Variants in NALCN observed in about 807,000 individuals in gnomAD.
NALCN encodes sodium leak channel NALCN.
In NALCN, 111 loss-of-function variants were observed where a neutral mutation model predicts 225.3. The observed-to-expected ratio is 0.49, with a 90% CI of 0.42 to 0.58. The LOEUF is 0.58. Ranked by LOEUF, NALCN falls within the 20% of genes least tolerant of loss-of-function variation. The pLI is 0.00. For synonymous variants in NALCN, 764 were observed against 769.0 expected (o/e 0.99, Z 0.11); for missense variants, 1,378 against 2,202.4 (o/e 0.63, Z 7.49).
At chr13:101,067,826 G>T (rs2032546457) in intron 39 of NALCN, 92 bp downstream of exon 39, 1 of 869,180 alleles carries the variant, frequency 1.2e-6, no homozygotes, top group South Asian at 1.5e-5. Flanking sequence ...TTCAATCTGT[G>T]TCATTTGCCA....
intron 12 of NALCN, among the ~76,000 whole-genome samples, chr13:101,237,414 A>G (rs1217898449): frequency 1.3e-5 from 2 of 152,044 alleles, no homozygotes; most frequent in Non-Finnish European, 2.9e-5. Context: ...GTTTGTGCCA[A>G]CATCTTATGT....
chr13:101,237,570 A>C (rs896350840), intron 12 of NALCN, among the ~76,000 whole-genome samples, 185 bp downstream of exon 12: 3 of 151,724 alleles, frequency 2.0e-5, no homozygotes, highest in African/African-American at 7.2e-5. Flanking sequence ...CGATTGTTAC[A>C]ATTTGTGAAT....
At chr13:101,349,252 A>G (rs533105024) in intron 6 of NALCN, among the ~76,000 whole-genome samples, 2 of 152,264 alleles carry the variant, frequency 1.3e-5, no homozygotes, top group South Asian at 4.1e-4. Flanking sequence ...CAATGAAATT[A>G]CTTTTGTTCA....
intron 43 of NALCN, among the ~76,000 whole-genome samples, chr13:101,056,310 G>T (rs562761088): frequency 3.5e-5 from 5 of 141,016 alleles, no homozygotes; most frequent in African/African-American, 1.1e-4. Flanking sequence ...ACCCAGACAG[G>T]AGTGCAGCGG....
At chr13:101,108,623 T>C (rs1238257805) in intron 20 of NALCN, among the ~76,000 whole-genome samples, 1 of 152,158 alleles carries the variant, frequency 6.6e-6, no homozygotes, top group Non-Finnish European at 1.5e-5. Context: ...AAATGTGTTC[T>C]TCCAGAGCTA....
In NALCN at chr13:101,229,570, A is replaced by G; in HGVS notation, c.1449T>C (p.Val483=). The G allele has an allele frequency of 6.3e-7, 1 of 1,594,732 alleles. No individual in the cohort carries two copies. Among genetic ancestry groups the G allele is most frequent in the Non-Finnish European group, 8.5e-7 (1 of 1,171,680 alleles). ...ATGCAGGTGAAATCTTAATCAGCCGAACTACTCGGAGAACCTATCAAGGGA... is the reference window on the plus strand; with the variant it reads ...ATGCAGGTGAAATCTTAATCAGCCGGACTACTCGGAGAACCTATCAAGGGA... ...QFTYFQVLRV[V]RLIKISPALE... is the part of the protein sequence containing the mutation. Residue 483 remains valine, a synonymous_variant, in exon 13 of 44, where the codon GTT becomes GTC. Transcript: ENST00000251127.
At chr13:101,146,570 T>A (rs2037355284) in intron 15 of NALCN, among the ~76,000 whole-genome samples, 1 of 152,116 alleles carries the variant, frequency 6.6e-6, no homozygotes. Flanking sequence ...TTGTCAGTGG[T>A]AAATAGAGCA....
intron 34 of NALCN, among the ~76,000 whole-genome samples, chr13:101,078,871 T>A (rs660352): frequency 1 from 151,754 of 152,334 alleles, 75,590 homozygotes; most frequent in East Asian, 1. Context: ...TAGTTCCCAT[T>A]ATCTCCACAT....
chr13:101,168,868 A>C (rs1203208507), intron 15 of NALCN, among the ~76,000 whole-genome samples: 2 of 151,856 alleles, frequency 1.3e-5, no homozygotes, highest in Non-Finnish European at 2.9e-5. Flanking sequence ...CGAGAAAGCC[A>C]CTCTGTTTTT....
intron 43 of NALCN, chr13:101,057,209 C>G (rs916053439): frequency 6.6e-6 from 1 of 152,290 alleles, no homozygotes; most frequent in African/African-American, 2.4e-5. Flanking sequence ...AAAACATGTA[C>G]AAGGACACTG....
At chr13:101,213,343 C>T (rs2040599985) in intron 13 of NALCN, among the ~76,000 whole-genome samples, 1 of 152,088 alleles carries the variant, frequency 6.6e-6, no homozygotes, top group Non-Finnish European at 1.5e-5. Flanking sequence ...CCATAAAAAC[C>T]CTAGAAGAAA....
At chr13:101,364,599 G>C (rs1258538520) in intron 6 of NALCN, among the ~76,000 whole-genome samples, 1 of 152,134 alleles carries the variant, frequency 6.6e-6, no homozygotes, top group East Asian at 1.9e-4. Flanking sequence ...CCCAGGGTTG[G>C]ATGAAGAAAG....
intron 1 of NALCN, among the ~76,000 whole-genome samples, chr13:101,411,194 C>T (rs1038913109): frequency 2.0e-5 from 3 of 149,544 alleles, no homozygotes; most frequent in Admixed American, 6.7e-5. Context: ...ATTCTTAAAA[C>T]TTTATCCTCT....
chr13:101,134,215 T>G (rs16958442), intron 17 of NALCN, among the ~76,000 whole-genome samples: 9,523 of 152,200 alleles, frequency 0.063, 887 homozygotes, highest in African/African-American at 0.21. Flanking sequence ...TGTAACTTAT[T>G]TCAATATCAT....
At chr13:101,075,543 A>C (rs1451105714) in intron 35 of NALCN, among the ~76,000 whole-genome samples, 3 of 151,840 alleles carry the variant, frequency 2.0e-5, no homozygotes, top group Non-Finnish European at 4.4e-5. Context: ...AACTTTATTG[A>C]AAATAAAAAT....
chr13:101,245,850 G>T (rs769741595), intron 11 of NALCN, among the ~76,000 whole-genome samples: 2 of 152,026 alleles, frequency 1.3e-5, no homozygotes, highest in Non-Finnish European at 2.9e-5. Flanking sequence ...ACCTCTGATC[G>T]GTTGCTTTTC....
intron 15 of NALCN, among the ~76,000 whole-genome samples, chr13:101,152,462 TC>T (rs537079843): frequency 2.6e-4 from 40 of 152,310 alleles, no homozygotes; most frequent in Admixed American, 2.2e-3. Flanking sequence ...ATGTTTACTT[TC>T]ATGCTGTTAT....
chr13:101,309,407 G>A (rs1208039481), intron 7 of NALCN, among the ~76,000 whole-genome samples: 4 of 152,196 alleles, frequency 2.6e-5, no homozygotes, highest in Non-Finnish European at 1.5e-5. Flanking sequence ...CACAGTTCAT[G>A]ACCATAATGA....
intron 7 of NALCN, among the ~76,000 whole-genome samples, chr13:101,309,122 C>T (rs1475496693): frequency 1.3e-5 from 2 of 152,076 alleles, no homozygotes; most frequent in Non-Finnish European, 2.9e-5. Flanking sequence ...CAAGAAAAAG[C>T]ATTATACTTT....
Sources: allele counts gnomAD v4.1 joint callset (sites outside exome capture counted in the v4.1 genomes callset), GRCh38; gene constraint gnomAD v4.1.1; transcripts MANE v1.5; gene names NCBI Gene and HGNC (gene_info 2026-07-23, HGNC 2026-07-21).